The following MICU2 variants were observed in gnomAD, a reference collection of about 807,000 sequenced individuals.
The protein encoded by MICU2 is mitochondrial calcium uptake 2.
In MICU2, 64 loss-of-function variants were observed where a neutral mutation model predicts 60.4. The ratio of observed to expected loss-of-function variants is 1.06; its 90% confidence interval spans 0.87 to 1.31. The LOEUF (loss-of-function observed/expected upper bound fraction) is 1.31, where lower values mean the gene tolerates loss of function less well. Ranked by LOEUF, MICU2 falls within the 50% of genes most tolerant of loss-of-function variation. The probability of loss-of-function intolerance (pLI) is 0.00; values close to 1 mark genes in which losing one functional copy is unlikely to be tolerated. For missense variants in MICU2, 569 were observed against 531.0 expected (o/e 1.07, Z -0.70); for synonymous variants, 201 against 175.0 (o/e 1.15, Z -1.17).
chr13:21,501,442 T>G, intron 9 of MICU2, among the ~76,000 whole-genome samples: 1 of 152,244 alleles, frequency 6.6e-6, no homozygotes, highest in East Asian at 1.9e-4. Flanking sequence ...TTTTGTATTT[T>G]TAGTAGAGAC....
chr13:21,530,167 T>C (rs1342563979), intron 4 of MICU2, among the ~76,000 whole-genome samples: 1 of 152,246 alleles, frequency 6.6e-6, no homozygotes, highest in African/African-American at 2.4e-5. Flanking sequence ...CAGTCCTTTA[T>C]GAATGTAGGA....
intron 4 of MICU2, among the ~76,000 whole-genome samples, chr13:21,537,718 G>C (rs1593332674): frequency 1.3e-5 from 2 of 152,176 alleles, no homozygotes; most frequent in Non-Finnish European, 2.9e-5. Context: ...TGATCGGGCT[G>C]CCTCGGCCTC....
chr13:21,549,819 T>G (rs1328454897), intron 2 of MICU2, among the ~76,000 whole-genome samples: 1 of 152,120 alleles, frequency 6.6e-6, no homozygotes, highest in Non-Finnish European at 1.5e-5. Flanking sequence ...TACTTTAACT[T>G]TATAATAATT....
At chr13:21,514,544 T>C (rs1886517137) in intron 6 of MICU2, 126 bp from the exon 7 acceptor site, 2 of 638,720 alleles carry the variant, frequency 3.1e-6, no homozygotes, top group South Asian at 4.2e-5. Context: ...TAACTTCTTT[T>C]TTTTTTTGAG....
intron 7 of MICU2, among the ~76,000 whole-genome samples, chr13:21,512,288 T>C (rs1886450061): frequency 6.6e-6 from 1 of 152,178 alleles, no homozygotes; most frequent in South Asian, 2.1e-4. Flanking sequence ...CAGTTTTTAA[T>C]TGGGTTGTTA....
At chr13:21,557,933 T>C (rs1417802708) in intron 2 of MICU2, among the ~76,000 whole-genome samples, 5 of 152,220 alleles carry the variant, frequency 3.3e-5, no homozygotes, top group Non-Finnish European at 5.9e-5. Context: ...TCTAAAGTCT[T>C]TTTCTGGTAT....
At chr13:21,590,552 C>T (rs1888556494) in intron 1 of MICU2, among the ~76,000 whole-genome samples, 1 of 152,216 alleles carries the variant, frequency 6.6e-6, no homozygotes, top group African/African-American at 2.4e-5. Context: ...TTATTCTTCA[C>T]ACCCAGGAAC....
intron 1 of MICU2, among the ~76,000 whole-genome samples, chr13:21,599,622 C>A (rs780329156): frequency 3.3e-5 from 5 of 152,168 alleles, no homozygotes; most frequent in Non-Finnish European, 5.9e-5. Context: ...AATTCAGAGT[C>A]TTTACGAATT....
At chr13:21,547,713 T>C (rs893937813) in intron 2 of MICU2, among the ~76,000 whole-genome samples, 5 of 142,142 alleles carry the variant, frequency 3.5e-5, no homozygotes, top group African/African-American at 1.1e-4. Flanking sequence ...GAATATGATG[T>C]CAAGTAAGAC....
At chr13:21,547,507 T>A (rs1222033976) in intron 2 of MICU2, among the ~76,000 whole-genome samples, 1 of 152,166 alleles carries the variant, frequency 6.6e-6, no homozygotes, top group Non-Finnish European at 1.5e-5. Flanking sequence ...TCTATTAATG[T>A]AATAATAGTA....
In MICU2 at chr13:21,493,102, A is replaced by C. The variant is rs1459760608; in HGVS notation, c.*147T>G. On this transcript the variant is annotated 3_prime_UTR_variant, in exon 12 of 12. Coordinates refer to ENST00000382374, the MANE Select transcript of MICU2 (RefSeq NM_152726.3). ...TTCTTTCTACTAAGTTCTTTAATAAAATTATGAATCAGAAAGCAAGTACAA... is the reference window on the plus strand; with the variant it reads ...TTCTTTCTACTAAGTTCTTTAATAACATTATGAATCAGAAAGCAAGTACAA... 52 of 463,638 alleles carry C rather than the reference A, an allele frequency of 1.1e-4. No individual in the cohort carries two copies. The highest frequency in any genetic ancestry group is 1.1e-5 in the Non-Finnish European group (3 of 269,134). 28.7% of individuals were successfully genotyped at this position (463,638 alleles called of 1,614,324 possible). A position where few individuals can be genotyped will look rare whatever the true frequency, so the allele number is the denominator to read the frequency against.
intron 9 of MICU2, among the ~76,000 whole-genome samples, chr13:21,497,579 A>C (rs1478355437): frequency 2.0e-5 from 3 of 151,980 alleles, no homozygotes; most frequent in African/African-American, 4.8e-5. Context: ...GCACGGTGGC[A>C]TGTGCCTGTG....
At chr13:21,599,700 C>T (rs1888773443) in intron 1 of MICU2, among the ~76,000 whole-genome samples, 1 of 152,214 alleles carries the variant, frequency 6.6e-6, no homozygotes, top group Admixed American at 6.5e-5. Flanking sequence ...TGAATTATTG[C>T]AACAGCTCCC....
chr13:21,512,578 G>T (rs1886459239), intron 7 of MICU2, among the ~76,000 whole-genome samples: 1 of 151,312 alleles, frequency 6.6e-6, no homozygotes, highest in South Asian at 2.1e-4. Flanking sequence ...CTCCTGAGTA[G>T]CTGGGACTAC....
intron 2 of MICU2, among the ~76,000 whole-genome samples, chr13:21,558,031 A>G (rs1166372841): frequency 6.6e-6 from 1 of 152,154 alleles, no homozygotes; most frequent in Non-Finnish European, 1.5e-5. Flanking sequence ...TGCATATTTC[A>G]TAATATTTTG....
intron 8 of MICU2, among the ~76,000 whole-genome samples, chr13:21,504,316 G>A (rs987384301): frequency 6.6e-6 from 1 of 151,916 alleles, no homozygotes. Context: ...GCAAATGAGT[G>A]TACACTGAAT....
chr13:21,525,913 CTTATTTAT>C (rs60527711), intron 4 of MICU2, among the ~76,000 whole-genome samples: 69,037 of 144,076 alleles, frequency 0.48, 16,625 homozygotes, highest in Middle Eastern at 0.54. Context: ...GTGATGTAGT[CTTATTTAT>C]TTATTTATTT....
chr13:21,559,541 T>TC (rs1291543246), intron 2 of MICU2, among the ~76,000 whole-genome samples: 3 of 151,842 alleles, frequency 2.0e-5, no homozygotes, highest in Admixed American at 1.3e-4. Context: ...TTTTTTTTTT[T>TC]TGAGACAGAG....
intron 2 of MICU2, 35 bp downstream of exon 2, chr13:21,566,756 GTCTGAT>G (rs1417361497): frequency 3.4e-6 from 5 of 1,488,822 alleles, no homozygotes; most frequent in Non-Finnish European, 4.5e-6. Context: ...CAGCCCTGAA[GTCTGAT>G]TTTTTTAATT....
Sources: gnomAD v4.1 joint callset for allele counts (sites outside exome capture counted in the v4.1 genomes callset) on GRCh38, gnomAD v4.1.1 for gene constraint, MANE v1.5 for transcripts, NCBI Gene and HGNC (gene_info 2026-07-23, HGNC 2026-07-21) for gene names.